SPIRE1: variants seen among roughly 807,000 people sequenced by gnomAD.
SPIRE1 encodes protein spire homolog 1.
SPIRE1 carries 40 observed loss-of-function variants against 94.1 expected under a neutral mutation model. That is an observed-to-expected ratio of 0.43 (90% CI 0.33 to 0.55). SPIRE1 has a LOEUF of 0.55. Among genes scored for constraint, SPIRE1 ranks in the 20% least tolerant of loss-of-function variants. The probability of loss-of-function intolerance (pLI) is 0.06; values close to 1 mark genes in which losing one functional copy is unlikely to be tolerated. For missense variants in SPIRE1, 838 were observed against 975.2 expected (o/e 0.86, Z 1.87); for synonymous variants, 376 against 371.7 (o/e 1.01, Z -0.13).
chr18:12,658,133 C>A (rs1326903486), upstream of SPIRE1: 1 of 962,752 alleles, frequency 1.0e-6, no homozygotes, highest in African/African-American at 1.8e-5. Context: ...CCCGCCCCGC[C>A]TCGCGCCGTC....
In SPIRE1 at chr18:12,618,694, A is replaced by C. The variant is rs548982353; in HGVS notation, c.372+16368T>G. Among the ~76,000 whole-genome samples, 5 of 152,326 alleles carry C rather than the reference A, an allele frequency of 3.3e-5. No homozygotes were observed. In the East Asian group the frequency reaches 9.6e-4, roughly 29 times the overall value. On this transcript the variant is annotated intron_variant, in intron 2 of 16. Transcript: ENST00000409402. ...AACCGAAAAGTTTGTTTCAACACAC[A>C]AAAAAACTGTTTTTAAACACACACA...
rs770337498 is a variant in SPIRE1 at position 12,479,754 on chromosome 18, C to T, written c.1349G>A (p.Arg450Gln). 13 of 1,613,892 alleles carry T rather than the reference C, an allele frequency of 8.1e-6. 1 individual carries two copies. Among genetic ancestry groups the T allele is most frequent in the South Asian group, 5.5e-5 (5 of 91,070 alleles). Residue 450 changes from arginine to glutamine, a missense_variant, in exon 10 of 17, where the codon CGG becomes CAG. This residue lies in a region of SPIRE1 where 645 missense variants were observed against 804.7 expected (regional missense o/e 0.80). Transcript: ENST00000409402. The part of the protein sequence containing the change: ...LSTSQQVPAQ[R>Q]KKLLRAPTLA... Reference sequence around the variant, plus strand: ...AGTTGGGGCTCTGAGGAGCTTCTTCCGCTGTGCAGGCACCTGCTGTGAGGT... The same window carrying T: ...AGTTGGGGCTCTGAGGAGCTTCTTCTGCTGTGCAGGCACCTGCTGTGAGGT...
chr18:12,650,458 C>A (rs566942127), intron 1 of SPIRE1, among the ~76,000 whole-genome samples: 4 of 151,902 alleles, frequency 2.6e-5, no homozygotes, highest in African/African-American at 9.7e-5. Context: ...CATCTATAAT[C>A]CCAGCACTTT....
At chr18:12,547,294 A>G (rs550464351) in intron 2 of SPIRE1, among the ~76,000 whole-genome samples, 1 of 152,338 alleles carries the variant, frequency 6.6e-6, no homozygotes, top group East Asian at 1.9e-4. Context: ...ATCTATTCAT[A>G]TCCATGTATA....
intron 6 of SPIRE1, among the ~76,000 whole-genome samples, chr18:12,505,096 G>A (rs193142632): frequency 6.6e-6 from 1 of 152,322 alleles, no homozygotes; most frequent in Admixed American, 6.5e-5. Context: ...CCAGTGGAAG[G>A]TTCTGAGTAG....
chr18:12,455,165 T>C (rs1162514820), intron 12 of SPIRE1, among the ~76,000 whole-genome samples: 1 of 152,166 alleles, frequency 6.6e-6, no homozygotes, highest in Non-Finnish European at 1.5e-5. Flanking sequence ...CTTGAACTCC[T>C]GGGCTCAAGT....
intron 6 of SPIRE1, among the ~76,000 whole-genome samples, chr18:12,506,246 C>G (rs1274439615): frequency 6.6e-6 from 1 of 152,116 alleles, no homozygotes; most frequent in East Asian, 1.9e-4. Context: ...CAACCTCCAC[C>G]TCCTGGGTTC....
intron 3 of SPIRE1, among the ~76,000 whole-genome samples, chr18:12,535,892 T>A (rs1273687927): frequency 6.6e-6 from 1 of 151,972 alleles, no homozygotes; most frequent in Non-Finnish European, 1.5e-5. Flanking sequence ...GAGGCGGAGG[T>A]TGCAGTGAGT....
intron 8 of SPIRE1, among the ~76,000 whole-genome samples, chr18:12,488,070 C>G (rs999146035): frequency 1.3e-5 from 2 of 152,186 alleles, no homozygotes; most frequent in Non-Finnish European, 2.9e-5. Flanking sequence ...CAACAAAGCA[C>G]AGTCTTCGTT....
intron 2 of SPIRE1, among the ~76,000 whole-genome samples, chr18:12,562,055 G>C (rs1270028843): frequency 6.6e-6 from 1 of 152,158 alleles, no homozygotes; most frequent in African/African-American, 2.4e-5. Flanking sequence ...TCCAAGTTAA[G>C]TTTACAAAGT....
At chr18:12,537,551 C>G (rs2034877421) in intron 3 of SPIRE1, among the ~76,000 whole-genome samples, 1 of 152,132 alleles carries the variant, frequency 6.6e-6, no homozygotes, top group Admixed American at 6.5e-5. Context: ...TTTAAAAACA[C>G]TGGTGTAAAG....
intron 6 of SPIRE1, among the ~76,000 whole-genome samples, chr18:12,500,914 A>G (rs2033634198): frequency 6.6e-6 from 1 of 151,892 alleles, no homozygotes; most frequent in Admixed American, 6.6e-5. Flanking sequence ...CTCTACTAAA[A>G]ATACAAAATT....
At chr18:12,579,234 A>AC (rs1567947028) in intron 2 of SPIRE1, among the ~76,000 whole-genome samples, 3 of 139,002 alleles carry the variant, frequency 2.2e-5, no homozygotes, top group Admixed American at 1.4e-4. Context: ...CACACACACA[A>AC]AATACTGACT....
chr18:12,659,321 A>G (rs1247296605), upstream of SPIRE1, among the ~76,000 whole-genome samples: 1 of 152,196 alleles, frequency 6.6e-6, no homozygotes, highest in Non-Finnish European at 1.5e-5. Context: ...TCTTACATAC[A>G]GCTGGGAATG....
intron 2 of SPIRE1, among the ~76,000 whole-genome samples, chr18:12,576,546 C>T (rs2036104135): frequency 7.3e-6 from 1 of 137,830 alleles, no homozygotes; most frequent in Non-Finnish European, 1.5e-5. Flanking sequence ...CGTGCCACTG[C>T]ACTCCAGCCT....
chr18:12,635,036 A>G (rs1434781701), intron 2 of SPIRE1, 26 bp downstream of exon 2: 2 of 1,378,532 alleles, frequency 1.5e-6, no homozygotes, highest in Non-Finnish European at 2.0e-6. Flanking sequence ...CTGCTTTACT[A>G]AGAAATATTT....
chr18:12,569,930 T>C lies in SPIRE1; in HGVS notation c.373-23026A>G, dbSNP rs1172844668. 2.0e-5 allele frequency among the ~76,000 whole-genome samples: 3 copies of C among 152,232 alleles called. No homozygotes were observed. In the East Asian group the frequency reaches 5.8e-4, roughly 29 times the overall value. ...ATTCTAAAATTTAAGGCTACTACAA[T>C]GTCATATCTACTTGTTTATCCTGTG... On this transcript the variant is annotated intron_variant, in intron 2 of 16. Transcript: ENST00000409402.
intron 2 of SPIRE1, among the ~76,000 whole-genome samples, chr18:12,616,589 A>T (rs2037314578): frequency 6.6e-6 from 1 of 152,248 alleles, no homozygotes; most frequent in South Asian, 2.1e-4. Flanking sequence ...TATAAAATGG[A>T]TCTACTAAGA....
intron 12 of SPIRE1, chr18:12,459,931 GAAC>G (rs2031707323): frequency 1.0e-6 from 1 of 985,696 alleles, no homozygotes; most frequent in Non-Finnish European, 1.2e-6. Context: ...CTAGGAACCT[GAAC>G]AACAGATAAG....
Sources: gnomAD v4.1 joint callset for allele counts (sites outside exome capture counted in the v4.1 genomes callset) on GRCh38, gnomAD v4.1.1 for gene constraint, gnomAD v4.1.1 regional missense constraint, MANE v1.5 for transcripts, NCBI Gene and HGNC (gene_info 2026-07-23, HGNC 2026-07-21) for gene names.